LRCH1: variants seen among roughly 807,000 people sequenced by gnomAD.
LRCH1 encodes the protein leucine rich repeats and calponin homology domain containing 1.
A neutral mutation model predicts 94.9 loss-of-function variants in LRCH1; 23 were observed. The observed-to-expected ratio is 0.24, with a 90% CI of 0.17 to 0.34. The LOEUF (loss-of-function observed/expected upper bound fraction) is 0.34, where lower values mean the gene tolerates loss of function less well. Among genes scored for constraint, LRCH1 ranks in the 10% least tolerant of loss-of-function variants. LRCH1 has a pLI of 1.00. For missense variants in LRCH1, 790 were observed against 945.9 expected, an observed-to-expected ratio of 0.84 and a Z score of 2.16; for synonymous variants, 364 against 354.9, an observed-to-expected ratio of 1.03 and a Z score of -0.29.
chr13:46,702,134 G>T (rs75444953), intron 11 of LRCH1, among the ~76,000 whole-genome samples: 377 of 152,302 alleles, frequency 2.5e-3, no homozygotes, highest in African/African-American at 8.7e-3. Flanking sequence ...CACCTTGGGG[G>T]ATGTAAAGAT....
At position 46,638,251 on chromosome 13, in the gene LRCH1, C is replaced by G. The variant is rs373359661; in HGVS notation, c.308-11950C>G. ...TGGGACATTAAATATATTACAGTAG[C>G]TTTGAATTTTCTGAATTATATTTAC... On this transcript the variant is annotated intron_variant, in intron 1 of 19. Coordinates refer to ENST00000389797, the MANE Select transcript of LRCH1 (RefSeq NM_001164211.2). Among the ~76,000 whole-genome samples the G allele has an allele frequency of 2.0e-5, 3 of 152,220 alleles. No individual in the cohort carries two copies. The East Asian group carries it at 5.8e-4, about 29-fold the overall frequency.
chr13:46,553,763 T>C, intron 1 of LRCH1, 60 bp downstream of exon 1: 2 of 1,582,684 alleles, frequency 1.3e-6, no homozygotes, highest in East Asian at 4.6e-5. Context: ...CTGTCGTGCG[T>C]TCCCTAACGC....
chr13:46,744,622 A>G lies in LRCH1; in HGVS notation c.*2774A>G, dbSNP rs1161602488. 1 of 985,314 alleles carries G rather than the reference A, an allele frequency of 1.0e-6. No individual in the cohort carries two copies. Among genetic ancestry groups the G allele is most frequent in the African/African-American group, 1.7e-5 (1 of 57,230 alleles). 61.0% of individuals were successfully genotyped at this position (985,314 alleles called of 1,614,324 possible). A position where few individuals can be genotyped will look rare whatever the true frequency, so the allele number is the denominator to read the frequency against. On this transcript the variant is annotated 3_prime_UTR_variant, in exon 20 of 20. Coordinates refer to ENST00000389797, the MANE Select transcript of LRCH1 (RefSeq NM_001164211.2). ...TAAAGGCACTTGATAGCCTGCTGCT[A>G]TTTGTTTGTAAGAAATTAAAACTAG...
chr13:46,702,527 A>G (rs1871535557), intron 11 of LRCH1, among the ~76,000 whole-genome samples: 1 of 152,088 alleles, frequency 6.6e-6, no homozygotes, highest in Non-Finnish European at 1.5e-5. Flanking sequence ...AAACAAATAA[A>G]TAAATAAATA....
intron 1 of LRCH1, among the ~76,000 whole-genome samples, chr13:46,580,767 T>A (rs1475587246): frequency 6.6e-6 from 1 of 152,160 alleles, no homozygotes; most frequent in African/African-American, 2.4e-5. Flanking sequence ...AATGCTTAAA[T>A]GTGTTGCAGG....
chr13:46,610,478 T>C (rs1352388979), intron 1 of LRCH1, among the ~76,000 whole-genome samples: 1 of 151,910 alleles, frequency 6.6e-6, no homozygotes, highest in Non-Finnish European at 1.5e-5. Flanking sequence ...AAAGATAATA[T>C]CTTTTTTTCC....
At chr13:46,650,087 A>T in intron 1 of LRCH1, 114 bp from the exon 2 acceptor site, 1 of 668,378 alleles carries the variant, frequency 1.5e-6, no homozygotes, top group Middle Eastern at 3.4e-4. Context: ...GCAAAAAAAA[A>T]TGATAATGTT....
chr13:46,643,591 T>C (rs556000980), intron 1 of LRCH1, among the ~76,000 whole-genome samples: 19 of 152,288 alleles, frequency 1.2e-4, no homozygotes, highest in Non-Finnish European at 2.8e-4. Context: ...TGATCCACAC[T>C]CACTTCCCCT....
Position 46,687,971 on chromosome 13 carries a change from G to A in LRCH1, c.942G>A (p.Val314=), listed in dbSNP as rs1021762851. ...AGAGGCCACATTTACACCAGCACGT[G>A]GAAGATGGGTGAGTCATGCCCTCAT... The part of the protein sequence containing the change: ...TMERPHLHQH[V]EDGKKDSDSG... Residue 314 remains valine (V), a synonymous_variant, in exon 6 of 20, where the codon GTG becomes GTA. Coordinates refer to ENST00000389797, the MANE Select transcript of LRCH1 (RefSeq NM_001164211.2). 2 of 1,611,220 alleles carry A rather than the reference G, an allele frequency of 1.2e-6. No individual in the cohort carries two copies. The highest frequency in any genetic ancestry group is 1.3e-5 in the African/African-American group (1 of 74,870).
intron 1 of LRCH1, among the ~76,000 whole-genome samples, chr13:46,578,405 A>T (rs955444110): frequency 1.3e-5 from 2 of 152,228 alleles, no homozygotes; most frequent in Non-Finnish European, 2.9e-5. Context: ...AAGCAAAAGG[A>T]TGACACATTA....
intron 1 of LRCH1, among the ~76,000 whole-genome samples, chr13:46,626,609 C>T (rs1364166303): frequency 1.3e-5 from 2 of 152,220 alleles, no homozygotes; most frequent in Non-Finnish European, 2.9e-5. Context: ...TTTGCTGACT[C>T]TCTTTTCGGA....
At chr13:46,585,566 A>T (rs9526198) in intron 1 of LRCH1, among the ~76,000 whole-genome samples, 1 of 151,524 alleles carries the variant, frequency 6.6e-6, no homozygotes, top group African/African-American at 2.4e-5. Context: ...AAAAAAAAAA[A>T]AAAAACAAAA....
downstream of LRCH1, among the ~76,000 whole-genome samples, chr13:46,748,632 C>T: frequency 6.6e-6 from 1 of 152,174 alleles, no homozygotes; most frequent in Non-Finnish European, 1.5e-5. Context: ...CAGCCTGGCT[C>T]ACAGCTCACA....
intron 1 of LRCH1, among the ~76,000 whole-genome samples, chr13:46,563,944 C>G (rs955094703): frequency 2.6e-5 from 4 of 152,152 alleles, no homozygotes; most frequent in Non-Finnish European, 5.9e-5. Context: ...GAAGGGAAGG[C>G]TTTCCCTCAT....
intron 17 of LRCH1, 79 bp from the exon 18 acceptor site, chr13:46,728,768 A>G (rs1302192048): frequency 1.3e-5 from 18 of 1,346,736 alleles, no homozygotes; most frequent in South Asian, 7.1e-5. Context: ...GCCTCAGTTC[A>G]TAAATACCCA....
At chr13:46,720,080 TC>T (rs1345000419) in intron 16 of LRCH1, among the ~76,000 whole-genome samples, 3 of 152,000 alleles carry the variant, frequency 2.0e-5, no homozygotes, top group Non-Finnish European at 1.5e-5. Context: ...TTATTTTTTT[TC>T]CTTCATCTTA....
At chr13:46,716,360 T>A (rs1566245796) in intron 16 of LRCH1, among the ~76,000 whole-genome samples, 1 of 152,202 alleles carries the variant, frequency 6.6e-6, no homozygotes, top group Non-Finnish European at 1.5e-5. Context: ...CAATAAAACA[T>A]AATTATTTAG....
At chr13:46,715,867 C>G (rs1872295047) in intron 16 of LRCH1, among the ~76,000 whole-genome samples, 1 of 152,072 alleles carries the variant, frequency 6.6e-6, no homozygotes, top group Non-Finnish European at 1.5e-5. Flanking sequence ...GTTTAATTAA[C>G]TTGACTATTC....
In LRCH1 at chr13:46,705,057, C is replaced by A; in HGVS notation, c.1401-11C>A. On this transcript the variant is annotated splice_polypyrimidine_tract_variant and intron_variant, in intron 11 of 19. Transcript: ENST00000389797. ...ATACGTTTACTAATATCTTTTTTTC[C>A]TACTCTTTAGATTAAGCACAGATAT... 3 of 1,422,434 alleles carry A rather than the reference C, an allele frequency of 2.1e-6. No individual in the cohort carries two copies. The highest frequency in any genetic ancestry group is 2.0e-5 in the Admixed American group (1 of 49,620). The allele number at this position is 1,422,434 out of a possible 1,614,324, so 88.1% of individuals were successfully genotyped here.
Sources: gnomAD v4.1 joint callset for allele counts (sites outside exome capture counted in the v4.1 genomes callset) on GRCh38, gnomAD v4.1.1 for gene constraint, MANE v1.5 for transcripts, NCBI Gene and HGNC (gene_info 2026-07-23, HGNC 2026-07-21) for gene names.